SH2D4A: variants seen among roughly 807,000 people sequenced by gnomAD.
SH2D4A encodes SH2 domain containing 4A.
In SH2D4A, 70 loss-of-function variants were observed where a neutral mutation model predicts 64.7. That is an observed-to-expected ratio of 1.08 (90% CI 0.89 to 1.32). The LOEUF is 1.32. Ranked by LOEUF, SH2D4A falls within the 40% of genes most tolerant of loss-of-function variation. SH2D4A has a pLI of 0.00. For missense variants in SH2D4A, 706 were observed against 540.1 expected (o/e 1.31, Z -3.04); for synonymous variants, 268 against 200.7 (o/e 1.34, Z -2.83).
chr8:19,341,793 G>A (rs900879172), intron 4 of SH2D4A, among the ~76,000 whole-genome samples: 13 of 145,330 alleles, frequency 8.9e-5, no homozygotes, highest in African/African-American at 5.2e-5. Context: ...AGCGAGCTAT[G>A]ATCACGCTAC....
chr8:19,352,062 C>A (rs2052714279), intron 4 of SH2D4A, among the ~76,000 whole-genome samples: 2 of 152,130 alleles, frequency 1.3e-5, no homozygotes, highest in Non-Finnish European at 2.9e-5. Context: ...GGATTACAGG[C>A]CTGAGCCACC....
chr8:19,387,967 TC>T (rs2053419411), intron 8 of SH2D4A, among the ~76,000 whole-genome samples: 1 of 152,170 alleles, frequency 6.6e-6, no homozygotes, highest in Admixed American at 6.5e-5. Flanking sequence ...AGCTTCTCAG[TC>T]CTCAGCAGCA....
At position 19,394,717 on chromosome 8, in the gene SH2D4A, G is replaced by A; in HGVS notation, c.*75G>A. On this transcript the variant is annotated 3_prime_UTR_variant, in exon 10 of 10. Transcript: ENST00000265807. ...ACAAATGCCACTGCAACATTTATGT[G>A]TGAAGCCAAAATCACCCTGCAGCAG... 2 of 1,187,588 alleles carry A rather than the reference G, an allele frequency of 1.7e-6. No individual in the cohort carries two copies. The highest frequency in any genetic ancestry group is 3.1e-5 in the South Asian group (2 of 64,284). The allele number at this position is 1,187,588 out of a possible 1,614,324, so 73.6% of individuals were successfully genotyped here.
intron 4 of SH2D4A, among the ~76,000 whole-genome samples, chr8:19,346,964 C>T (rs1385933169): frequency 6.6e-6 from 1 of 152,210 alleles, no homozygotes; most frequent in Non-Finnish European, 1.5e-5. Context: ...GGCTGTCTGG[C>T]TGGATTTTCC....
intron 4 of SH2D4A, among the ~76,000 whole-genome samples, chr8:19,349,378 A>G (rs762398722): frequency 2.0e-5 from 3 of 152,236 alleles, no homozygotes; most frequent in Non-Finnish European, 4.4e-5. Flanking sequence ...TGCTTTTTAA[A>G]AGCAAACAAA....
In SH2D4A at chr8:19,334,800, G is replaced by T; in HGVS notation, c.456G>T (p.Lys152Asn). ...ACATCTGGAAGAAAGTGGCAGAAAA[G>T]GAGGAACTGGAGCAAGGATCGAGGC... ...TKDIWKKVAE[K>N]EELEQGSRPA... The change falls in exon 4 of 10, where the codon AAG (lysine) becomes AAT (asparagine). Residue 152 changes from lysine to asparagine, a missense_variant. Physicochemically the swap from Lys to Asn is moderately conservative, Grantham distance 94 (BLOSUM62 0). Transcript: ENST00000265807. 1 of 1,614,042 alleles carries T rather than the reference G, an allele frequency of 6.2e-7. No homozygotes were observed. The highest frequency in any genetic ancestry group is 8.5e-7 in the Non-Finnish European group (1 of 1,179,976).
intron 8 of SH2D4A, among the ~76,000 whole-genome samples, chr8:19,379,069 T>C (rs1295140573): frequency 7.8e-6 from 1 of 128,864 alleles, no homozygotes; most frequent in African/African-American, 3.1e-5. Context: ...AGACAGACCC[T>C]GCCTTAAAAA....
chr8:19,316,004 G>A (rs961997153), intron 1 of SH2D4A, among the ~76,000 whole-genome samples: 2 of 152,196 alleles, frequency 1.3e-5, no homozygotes, highest in African/African-American at 2.4e-5. Context: ...TAGAGGCGGA[G>A]CTGGGAGTTG....
intron 4 of SH2D4A, 28 bp downstream of exon 4, chr8:19,334,885 G>A (rs373290883): frequency 2.7e-5 from 42 of 1,565,082 alleles, no homozygotes; most frequent in Admixed American, 6.0e-5. Flanking sequence ...GTAGACGTGC[G>A]GAATTTCATC....
chr8:19,349,271 C>T (rs2052660654), intron 4 of SH2D4A, among the ~76,000 whole-genome samples: 2 of 152,166 alleles, frequency 1.3e-5, no homozygotes, highest in African/African-American at 4.8e-5. Flanking sequence ...TTCTGTGTAA[C>T]TGTAATAGAA....
chr8:19,357,208 C>T lies in SH2D4A; in HGVS notation c.519C>T (p.Leu173=), dbSNP rs781291909. ...GTGTTTCGTTTAATTTTTAGTCACT[C>T]TCCAGTTCTTCAAGAAATATTCAAC... ...PTLEEEKIRS[L]SSSSRNIQQM... The change falls in exon 5 of 10, where the codon CTC becomes CTT. Residue 173 remains leucine, a synonymous_variant. Transcript: ENST00000265807. 6.2e-7 allele frequency: 1 copy of T among 1,612,944 alleles called. No individual in the cohort carries two copies. The highest frequency in any genetic ancestry group is 8.5e-7 in the Non-Finnish European group (1 of 1,178,898).
rs375627649 is a variant in SH2D4A at position 19,334,744 on chromosome 8, C to A, written c.400C>A (p.Leu134Met). The A allele has an allele frequency of 1.9e-6, 3 of 1,614,126 alleles. No homozygotes were observed. The highest frequency in any genetic ancestry group is 1.3e-5 in the African/African-American group (1 of 75,044). ...GAAAACAAAATCACAGTACCATGAT[C>A]TGCAGGCTCCGGATAACCAGCAGAC... The part of the protein sequence containing the change: ...SLKTKSQYHD[L>M]QAPDNQQTKD... The change falls in exon 4 of 10, where the codon CTG becomes ATG. Residue 134 changes from leucine (L) to methionine (M), a missense_variant. By Grantham distance (15) the Leu-to-Met change is conservative. Transcript: ENST00000265807.
At chr8:19,383,184 A>G (rs1304259127) in intron 8 of SH2D4A, among the ~76,000 whole-genome samples, 3 of 152,002 alleles carry the variant, frequency 2.0e-5, no homozygotes, top group Admixed American at 2.0e-4. Flanking sequence ...CACAAAATGT[A>G]TATTGGGTCA....
intron 8 of SH2D4A, among the ~76,000 whole-genome samples, chr8:19,384,330 G>T (rs1457567427): frequency 6.6e-6 from 1 of 152,100 alleles, no homozygotes; most frequent in Non-Finnish European, 1.5e-5. Flanking sequence ...AAAGAGACAG[G>T]GGTGAGTCTT....
chr8:19,345,536 T>A (rs2052599429), intron 4 of SH2D4A, among the ~76,000 whole-genome samples: 1 of 152,216 alleles, frequency 6.6e-6, no homozygotes, highest in Non-Finnish European at 1.5e-5. Flanking sequence ...TCAATTTTAT[T>A]TCTGTAAATA....
chr8:19,366,984 G>A (rs574234087), intron 7 of SH2D4A, among the ~76,000 whole-genome samples: 2 of 152,192 alleles, frequency 1.3e-5, no homozygotes, highest in South Asian at 4.1e-4. Flanking sequence ...TCATACCGTT[G>A]TTTATGATGG....
chr8:19,391,055 C>A (rs887429843), intron 8 of SH2D4A, among the ~76,000 whole-genome samples: 2 of 152,240 alleles, frequency 1.3e-5, no homozygotes, highest in East Asian at 1.9e-4. Context: ...TTCCAAGATG[C>A]TGCTTCTCCT....
intron 4 of SH2D4A, among the ~76,000 whole-genome samples, chr8:19,335,761 A>G (rs1026769829): frequency 1.3e-5 from 2 of 152,200 alleles, no homozygotes; most frequent in African/African-American, 4.8e-5. Context: ...TCCCCAACAT[A>G]ATAGAAATTT....
chr8:19,379,732 C>G (rs569721855), intron 8 of SH2D4A, among the ~76,000 whole-genome samples: 1 of 152,046 alleles, frequency 6.6e-6, no homozygotes, highest in Non-Finnish European at 1.5e-5. Context: ...TGTTATTTTT[C>G]TTTTTCCTTT....
Sources: gnomAD v4.1 joint callset for allele counts (sites outside exome capture counted in the v4.1 genomes callset) on GRCh38, gnomAD v4.1.1 for gene constraint, MANE v1.5 for transcripts, NCBI Gene and HGNC (gene_info 2026-07-23, HGNC 2026-07-21) for gene names.